COG5: variants seen among roughly 807,000 people sequenced by gnomAD.
COG5 encodes the protein conserved oligomeric Golgi complex subunit 5.
Under a neutral mutation model 110.4 loss-of-function variants are expected in COG5, and 86 were observed. The ratio of observed to expected loss-of-function variants is 0.78; its 90% confidence interval spans 0.65 to 0.93. COG5 has a LOEUF of 0.93. Ranked by LOEUF, COG5 falls within the 40% of genes least tolerant of loss-of-function variation. The pLI is 0.00. For synonymous variants in COG5, 360 were observed against 334.6 expected, an observed-to-expected ratio of 1.08 and a Z score of -0.83; for missense variants, 1,077 against 987.0, an observed-to-expected ratio of 1.09 and a Z score of -1.22.
chr7:107,348,335 A>T (rs952659748), intron 10 of COG5, among the ~76,000 whole-genome samples: 1 of 152,052 alleles, frequency 6.6e-6, no homozygotes, highest in African/African-American at 2.4e-5. Flanking sequence ...TCACAGAAAG[A>T]GTTGGGCAAG....
At chr7:107,334,564 A>T (rs1240946023) in intron 10 of COG5, among the ~76,000 whole-genome samples, 1 of 152,194 alleles carries the variant, frequency 6.6e-6, no homozygotes, top group African/African-American at 2.4e-5. Flanking sequence ...TATATAAAGG[A>T]GCGCTACAAT....
chr7:107,556,154 A>G (rs1312062607), intron 2 of COG5, among the ~76,000 whole-genome samples: 3 of 152,162 alleles, frequency 2.0e-5, no homozygotes, highest in Non-Finnish European at 4.4e-5. Context: ...TAGAGGCAGA[A>G]TTTTAGCACT....
At chr7:107,315,153 C>G (rs1007371295) in intron 11 of COG5, among the ~76,000 whole-genome samples, 30 of 140,836 alleles carry the variant, frequency 2.1e-4, no homozygotes, top group Non-Finnish European at 3.9e-4. Flanking sequence ...GCATACTATT[C>G]TAATCTTTTT....
intron 6 of COG5, among the ~76,000 whole-genome samples, chr7:107,439,853 A>G (rs1794599554): frequency 6.6e-6 from 1 of 152,130 alleles, no homozygotes; most frequent in Non-Finnish European, 1.5e-5. Context: ...GCTGAAGGAG[A>G]AGGAGAGAAG....
intron 19 of COG5, among the ~76,000 whole-genome samples, chr7:107,213,050 C>G (rs1207139723): frequency 1.3e-5 from 2 of 152,158 alleles, no homozygotes; most frequent in Non-Finnish European, 2.9e-5. Flanking sequence ...TCAAACAAAT[C>G]AAGAAGGTGG....
chr7:107,312,281 C>A (rs1195598722), intron 11 of COG5, among the ~76,000 whole-genome samples: 3 of 152,040 alleles, frequency 2.0e-5, no homozygotes, highest in African/African-American at 7.2e-5. Context: ...TTTAGGGATC[C>A]ATCTCAACAG....
intron 6 of COG5, among the ~76,000 whole-genome samples, chr7:107,492,249 A>T (rs1264152844): frequency 2.0e-5 from 3 of 150,704 alleles, no homozygotes; most frequent in Non-Finnish European, 4.4e-5. Context: ...TCTAGAGAAG[A>T]GCTTCAAAAA....
Position 107,412,485 on chromosome 7 carries a change from A to C in COG5, c.669+17T>G. On this transcript the variant is annotated intron_variant, in intron 7 of 21. Transcript: ENST00000297135. ...TGACACATTTTTTACATTAAAAAAC[A>C]GTCTTATTTTTATTACCTGAGTCTC... The C allele has an allele frequency of 6.4e-7, 1 of 1,554,814 alleles. No individual in the cohort carries two copies. Among genetic ancestry groups the C allele is most frequent in the South Asian group, 1.1e-5 (1 of 89,756 alleles).
At chr7:107,425,910 T>C (rs1793614952) in intron 6 of COG5, among the ~76,000 whole-genome samples, 1 of 152,132 alleles carries the variant, frequency 6.6e-6, no homozygotes, top group Non-Finnish European at 1.5e-5. Flanking sequence ...ATGACTAGTG[T>C]CCTTATATTA....
At chr7:107,311,365 T>G (rs529181650) in intron 11 of COG5, among the ~76,000 whole-genome samples, 1 of 141,798 alleles carries the variant, frequency 7.1e-6, no homozygotes, top group South Asian at 2.2e-4. Flanking sequence ...ATCGAGCGTA[T>G]TTACATTTTT....
chr7:107,264,788 G>A (rs534856678), intron 14 of COG5, among the ~76,000 whole-genome samples: 3 of 152,066 alleles, frequency 2.0e-5, no homozygotes, highest in Non-Finnish European at 2.9e-5. Flanking sequence ...TTATAAAACT[G>A]AGAAATCATA....
Position 107,284,051 on chromosome 7 carries a change from A to G in COG5, c.1314-319T>C, listed in dbSNP as rs558538502. Among the ~76,000 whole-genome samples, 659 of 152,002 alleles carry G rather than the reference A, an allele frequency of 4.3e-3. 6 individuals carry two copies. The highest frequency in any genetic ancestry group is 0.016 in the African/African-American group (644 of 41,492). ...GCGATTCTCCTGCCTCAGCCTCCCA[A>G]GTAGCTGGGATTACAGCTGCCCGCC... On this transcript the variant is annotated intron_variant, in intron 12 of 21. Transcript: ENST00000297135.
intron 12 of COG5, among the ~76,000 whole-genome samples, chr7:107,284,003 C>T (rs1259521305): frequency 6.7e-6 from 1 of 148,252 alleles, no homozygotes; most frequent in Non-Finnish European, 1.5e-5. Context: ...TGGCTCACTG[C>T]AACCTCTACC....
intron 6 of COG5, among the ~76,000 whole-genome samples, chr7:107,462,902 GTCTTCT>G (rs1796086508): frequency 2.6e-5 from 4 of 152,194 alleles, no homozygotes; most frequent in Non-Finnish European, 5.9e-5. Flanking sequence ...AAATCTGTTA[GTCTTCT>G]AACAGCAGAC....
chr7:107,328,664 T>C (rs1809981346), intron 10 of COG5, among the ~76,000 whole-genome samples: 1 of 152,140 alleles, frequency 6.6e-6, no homozygotes, highest in African/African-American at 2.4e-5. Flanking sequence ...AAAAAGTTAT[T>C]CTAATACACA....
At chr7:107,324,603 G>A in intron 10 of COG5, 82 bp from the exon 11 acceptor site, 1 of 689,612 alleles carries the variant, frequency 1.5e-6, no homozygotes, top group Non-Finnish European at 2.5e-6. Flanking sequence ...ACGTAACCTT[G>A]AAAAGTTATT....
intron 10 of COG5, among the ~76,000 whole-genome samples, chr7:107,345,686 T>G (rs780100024): frequency 6.6e-6 from 1 of 152,168 alleles, no homozygotes. Context: ...ATTTTTGTAC[T>G]GTACACTTAG....
At chr7:107,472,829 AAT>A (rs1310543276) in intron 6 of COG5, 3 of 151,928 alleles carry the variant, frequency 2.0e-5, no homozygotes, top group African/African-American at 4.8e-5. Flanking sequence ...ATTTATGTTG[AAT>A]ATGATTTTGC....
chr7:107,442,495 T>G (rs560722371), intron 6 of COG5, among the ~76,000 whole-genome samples: 20 of 151,026 alleles, frequency 1.3e-4, no homozygotes, highest in African/African-American at 2.7e-4. Flanking sequence ...TTTTGTTGTT[T>G]TTTTTTTTTA....
Sources: allele counts gnomAD v4.1 joint callset (sites outside exome capture counted in the v4.1 genomes callset), GRCh38; gene constraint gnomAD v4.1.1; transcripts MANE v1.5; gene names NCBI Gene and HGNC (gene_info 2026-07-23, HGNC 2026-07-21).